The following EPHA6 variants were observed in gnomAD, a reference collection of about 807,000 sequenced individuals.
The protein encoded by EPHA6 is ephrin type-A receptor 6.
EPHA6 carries 50 observed loss-of-function variants against 112.0 expected under a neutral mutation model. The observed-to-expected ratio is 0.45, with a 90% CI of 0.36 to 0.56. The LOEUF (loss-of-function observed/expected upper bound fraction) is 0.56, where lower values mean the gene tolerates loss of function less well. Ranked by LOEUF, EPHA6 falls within the 20% of genes least tolerant of loss-of-function variation. EPHA6 has a pLI of 0.00. For missense variants in EPHA6, 1,280 were observed against 1,417.4 expected (o/e 0.90, Z 1.56); for synonymous variants, 529 against 490.7 (o/e 1.08, Z -1.03).
intron 6 of EPHA6, among the ~76,000 whole-genome samples, chr3:97,418,657 C>T (rs1160455636): frequency 6.6e-6 from 1 of 151,836 alleles, no homozygotes; most frequent in Admixed American, 6.6e-5. Context: ...GTTTGTCACT[C>T]AAAGACCTAC....
chr3:96,932,001 T>C (rs1006507040), intron 2 of EPHA6, among the ~76,000 whole-genome samples: 2 of 152,090 alleles, frequency 1.3e-5, no homozygotes, highest in Non-Finnish European at 1.5e-5. Flanking sequence ...CCTCATGCCG[T>C]GGGCTCATGA....
In EPHA6 at chr3:97,132,946, C is replaced by T. The variant is rs188603767; in HGVS notation, c.1115-93318C>T. Reference sequence around the variant, plus strand: ...GCCTTTGAGGATATTGAACTCTAGCCACTCAAGGTAACGTTTTACTCTCCT... The same window carrying T: ...GCCTTTGAGGATATTGAACTCTAGCTACTCAAGGTAACGTTTTACTCTCCT... On this transcript the variant is annotated intron_variant, in intron 3 of 17. Transcript: ENST00000389672. Among the ~76,000 whole-genome samples, 4 of 152,080 alleles carry T rather than the reference C, an allele frequency of 2.6e-5. No homozygotes were observed. The East Asian group carries it at 7.7e-4, about 29-fold the overall frequency.
intron 3 of EPHA6, among the ~76,000 whole-genome samples, chr3:97,144,773 T>C (rs1370382935): frequency 1.3e-5 from 2 of 151,568 alleles, no homozygotes; most frequent in Non-Finnish European, 3.0e-5. Flanking sequence ...TTTTAATAAA[T>C]TTTTTCATAC....
Position 97,760,192 on chromosome 3 carries a change from A to G in EPHA6, c.*11491A>G, listed in dbSNP as rs9874879. On this transcript the variant is annotated 3_prime_UTR_variant, in exon 18 of 18. Coordinates refer to ENST00000389672, the MANE Select transcript of EPHA6 (RefSeq NM_001080448.3). ...AACAGGAACTAATCTTTTAGTAAAA[A>G]TTATTTTGTTTTCATATAGGAAAAC... 9 of 181,434 alleles carry G rather than the reference A, an allele frequency of 5.0e-5. No individual in the cohort carries two copies. The highest frequency in any genetic ancestry group is 2.1e-4 in the African/African-American group (9 of 42,486). The allele number at this position is 181,434 out of a possible 1,614,324, so 11.2% of individuals were successfully genotyped here. A position where few individuals can be genotyped will look rare whatever the true frequency, so the allele number is the denominator to read the frequency against.
At chr3:97,068,872 A>G (rs1285651114) in intron 3 of EPHA6, among the ~76,000 whole-genome samples, 2 of 152,168 alleles carry the variant, frequency 1.3e-5, no homozygotes, top group Non-Finnish European at 2.9e-5. Context: ...CCAGAACCTG[A>G]CTATATTGAC....
chr3:97,744,647 G>A (rs942825168), intron 16 of EPHA6, among the ~76,000 whole-genome samples: 2 of 151,824 alleles, frequency 1.3e-5, no homozygotes, highest in African/African-American at 4.8e-5. Flanking sequence ...TTTTCAACAA[G>A]GGAAATAGGC....
intron 11 of EPHA6, among the ~76,000 whole-genome samples, chr3:97,591,604 G>A (rs1336453169): frequency 6.6e-6 from 1 of 152,092 alleles, no homozygotes; most frequent in Non-Finnish European, 1.5e-5. Flanking sequence ...TTTTGCCTTT[G>A]ATTGGCCGTA....
intron 11 of EPHA6, among the ~76,000 whole-genome samples, chr3:97,584,903 A>C (rs997363811): frequency 1.3e-5 from 2 of 152,260 alleles, no homozygotes; most frequent in African/African-American, 4.8e-5. Flanking sequence ...ACTGAATGAA[A>C]GAGAAGATAA....
intron 3 of EPHA6, among the ~76,000 whole-genome samples, chr3:97,132,229 G>C (rs771626460): frequency 6.6e-6 from 1 of 152,044 alleles, no homozygotes; most frequent in Admixed American, 6.6e-5. Context: ...CATAAAGCAG[G>C]TATTTAATGA....
chr3:97,534,846 T>G (rs1292765016), intron 11 of EPHA6, among the ~76,000 whole-genome samples: 1 of 152,120 alleles, frequency 6.6e-6, no homozygotes, highest in Non-Finnish European at 1.5e-5. Context: ...GTTATGAACC[T>G]TTGCAGAGCA....
chr3:97,548,249 A>G (rs923401411), intron 11 of EPHA6, among the ~76,000 whole-genome samples: 1 of 152,112 alleles, frequency 6.6e-6, no homozygotes, highest in Admixed American at 6.5e-5. Context: ...GATTATGGTT[A>G]TGCATTTTTG....
intron 11 of EPHA6, among the ~76,000 whole-genome samples, chr3:97,581,776 C>G (rs2093440803): frequency 6.6e-6 from 1 of 152,248 alleles, no homozygotes; most frequent in Non-Finnish European, 1.5e-5. Flanking sequence ...CTTCCCATTG[C>G]AGCTTTGCTG....
intron 16 of EPHA6, among the ~76,000 whole-genome samples, chr3:97,737,981 C>G (rs576330271): frequency 5.9e-5 from 9 of 151,982 alleles, no homozygotes; most frequent in Non-Finnish European, 1.2e-4. Context: ...AATGTCCAAG[C>G]CTTCACAAAA....
chr3:97,233,252 A>G (rs1317365289), intron 4 of EPHA6, among the ~76,000 whole-genome samples: 1 of 151,036 alleles, frequency 6.6e-6, no homozygotes, highest in Admixed American at 6.6e-5. Context: ...TCAGTGAGGT[A>G]GTCTGAATCA....
At chr3:97,070,455 T>G (rs917412695) in intron 3 of EPHA6, among the ~76,000 whole-genome samples, 2 of 152,256 alleles carry the variant, frequency 1.3e-5, no homozygotes, top group Admixed American at 1.3e-4. Context: ...GGGCTACTAA[T>G]AGCACTCACA....
chr3:97,747,313 A>G, intron 16 of EPHA6, 110 bp from the exon 17 acceptor site: 1 of 976,768 alleles, frequency 1.0e-6, no homozygotes, highest in Non-Finnish European at 1.4e-6. Flanking sequence ...ATGGAGAATA[A>G]AAACATTAGA....
chr3:97,507,864 CG>C (rs1411058693), intron 10 of EPHA6, among the ~76,000 whole-genome samples: 2 of 151,966 alleles, frequency 1.3e-5, no homozygotes, highest in African/African-American at 4.8e-5. Flanking sequence ...TTCAGGGATT[CG>C]ACTTCTTCCT....
At chr3:97,744,117 A>G (rs1377248903) in intron 16 of EPHA6, among the ~76,000 whole-genome samples, 1 of 151,984 alleles carries the variant, frequency 6.6e-6, no homozygotes, top group East Asian at 1.9e-4. Context: ...TATAATCTAA[A>G]TTAACCATAA....
At chr3:96,846,641 C>A (rs1390041817) in intron 1 of EPHA6, among the ~76,000 whole-genome samples, 1 of 151,872 alleles carries the variant, frequency 6.6e-6, no homozygotes, top group Non-Finnish European at 1.5e-5. Context: ...TTGAGAAATT[C>A]CAATTAACTA....
Sources: allele counts gnomAD v4.1 joint callset (sites outside exome capture counted in the v4.1 genomes callset), GRCh38; gene constraint gnomAD v4.1.1; transcripts MANE v1.5; gene names NCBI Gene and HGNC (gene_info 2026-07-23, HGNC 2026-07-21).